The following RIC8B variants were observed in gnomAD, a reference collection of about 807,000 sequenced individuals.
The protein encoded by RIC8B is RIC8 guanine nucleotide exchange factor B.
Under a neutral mutation model 57.5 loss-of-function variants are expected in RIC8B, and 16 were observed. That is an observed-to-expected ratio of 0.28 (90% CI 0.19 to 0.42). The LOEUF is 0.42. Ranked by LOEUF, RIC8B falls within the 10% of genes least tolerant of loss-of-function variation. RIC8B has a pLI of 1.00. For synonymous variants in RIC8B, 216 were observed against 250.8 expected (o/e 0.86, Z 1.31); for missense variants, 481 against 677.0 (o/e 0.71, Z 3.21).
intron 7 of RIC8B, among the ~76,000 whole-genome samples, chr12:106,854,068 A>C (rs1949611348): frequency 1.3e-5 from 2 of 152,042 alleles, no homozygotes; most frequent in African/African-American, 4.8e-5. Context: ...TAGGGAGACG[A>C]AGGGACTATG....
Position 106,886,108 on chromosome 12 carries a change from G to C in RIC8B, c.*93G>C, listed in dbSNP as rs1274078952. The C allele has an allele frequency of 1.1e-6, 1 of 873,164 alleles. No homozygotes were observed. The highest frequency in any genetic ancestry group is 2.4e-5 in the East Asian group (1 of 41,068). The allele number at this position is 873,164 out of a possible 1,614,324, so 54.1% of individuals were successfully genotyped here. ...TTTTCTCTAAAACATTTATGCCCTT[G>C]CTTTGGCTAGAAACACATTAACTGG... On this transcript the variant is annotated 3_prime_UTR_variant, in exon 10 of 10. Coordinates refer to ENST00000392837, the MANE Select transcript of RIC8B (RefSeq NM_001330145.2).
intron 8 of RIC8B, among the ~76,000 whole-genome samples, chr12:106,866,858 T>A (rs805504): frequency 0.71 from 107,302 of 152,066 alleles, 39,443 homozygotes; most frequent in African/African-American, 0.93. Context: ...AAGTTCTGGT[T>A]ACATAGGGCC....
chr12:106,850,187 A>T (rs1183251965), intron 6 of RIC8B, among the ~76,000 whole-genome samples: 4 of 152,064 alleles, frequency 2.6e-5, no homozygotes, highest in African/African-American at 9.7e-5. Context: ...TCATCTTGAA[A>T]CCACCCACCA....
At chr12:106,845,631 A>G (rs1389956662) in intron 6 of RIC8B, among the ~76,000 whole-genome samples, 2 of 152,154 alleles carry the variant, frequency 1.3e-5, no homozygotes. Flanking sequence ...ATCATTTATC[A>G]GCACCCAAAC....
intron 2 of RIC8B, among the ~76,000 whole-genome samples, chr12:106,809,522 CAAAAAAAAAAA>C (rs201411394): frequency 5.6e-4 from 59 of 105,556 alleles, no homozygotes; most frequent in Non-Finnish European, 7.0e-4. Flanking sequence ...ACTCTTGTCT[CAAAAAAAAAAA>C]AAAAAAAAAA....
At chr12:106,858,230 A>T (rs181822493) in intron 7 of RIC8B, among the ~76,000 whole-genome samples, 104 of 152,116 alleles carry the variant, frequency 6.8e-4, no homozygotes, top group African/African-American at 2.3e-3. Context: ...AAGTATATTC[A>T]TTTAAACATT....
At chr12:106,782,691 T>G (rs1015750542) in intron 1 of RIC8B, among the ~76,000 whole-genome samples, 6 of 152,246 alleles carry the variant, frequency 3.9e-5, no homozygotes, top group African/African-American at 1.2e-4. Context: ...CCTCTGAGTC[T>G]TCCCTCTGAT....
At chr12:106,827,038 G>A (rs190044942) in intron 4 of RIC8B, among the ~76,000 whole-genome samples, 39 of 152,278 alleles carry the variant, frequency 2.6e-4, no homozygotes, top group African/African-American at 8.9e-4. Flanking sequence ...TTCCGCCACT[G>A]TACTCCAGCC....
chr12:106,842,251 A>G (rs1348108529), intron 4 of RIC8B, among the ~76,000 whole-genome samples: 1 of 152,210 alleles, frequency 6.6e-6, no homozygotes, highest in Non-Finnish European at 1.5e-5. Context: ...AATCCCAGGG[A>G]AGAAATGCAA....
chr12:106,813,503 T>C (rs1435303753), intron 2 of RIC8B, among the ~76,000 whole-genome samples: 1 of 152,162 alleles, frequency 6.6e-6, no homozygotes, highest in Non-Finnish European at 1.5e-5. Context: ...TATACCATTT[T>C]ATATAAGAGA....
chr12:106,819,790 G>A (rs1332931806), intron 3 of RIC8B, among the ~76,000 whole-genome samples: 2 of 146,778 alleles, frequency 1.4e-5, no homozygotes, highest in African/African-American at 5.0e-5. Context: ...TAATATATAA[G>A]TATATATAAA....
chr12:106,851,357 A>G (rs1032557623), intron 6 of RIC8B, 93 bp from the exon 7 acceptor site: 2 of 520,382 alleles, frequency 3.8e-6, no homozygotes, highest in Non-Finnish European at 6.4e-6. Context: ...TACAAACCCC[A>G]GTAGACATTA....
chr12:106,845,076 C>G (rs746578078), intron 6 of RIC8B, among the ~76,000 whole-genome samples: 52 of 152,290 alleles, frequency 3.4e-4, no homozygotes, highest in Admixed American at 6.5e-4. Flanking sequence ...CTAGATTCCA[C>G]CTGAGGTTCA....
At position 106,879,538 on chromosome 12, in the gene RIC8B, A is replaced by G. The variant is rs556029835; in HGVS notation, c.1572-6366A>G. On this transcript the variant is annotated intron_variant, in intron 9 of 9. Transcript: ENST00000392837. The surrounding 1 kb of genome is among the most constrained non-coding windows in gnomAD (Gnocchi z 4.9). ...GAAAATGTTAAAATATATCTGGAAA[A>G]AAAAAACAGACCAGAATATTTTAAA... is the stretch of plus-strand genomic sequence containing the variant. The G allele has an allele frequency of 2.1e-5, 21 of 985,162 alleles. No homozygotes were observed. Among genetic ancestry groups the G allele is most frequent in the Non-Finnish European group, 2.5e-5 (21 of 829,768 alleles). 61.0% of individuals were successfully genotyped at this position (985,162 alleles called of 1,614,324 possible).
At chr12:106,784,114 G>C in intron 2 of RIC8B, 70 bp downstream of exon 2, 3 of 1,378,218 alleles carry the variant, frequency 2.2e-6, no homozygotes, top group Middle Eastern at 3.6e-4. Context: ...TCTAAGCAGT[G>C]GTCATGTTTT....
rs924372643 is a variant in RIC8B at position 106,868,981 on chromosome 12, C to T, written c.1452-1842C>T. Reference sequence around the variant, plus strand: ...GACAAGGCTATGGGTTTTCAGGTTGCCCCAGAACCTTTGAAAGTACCTTAA... The same window carrying T: ...GACAAGGCTATGGGTTTTCAGGTTGTCCCAGAACCTTTGAAAGTACCTTAA... On this transcript the variant is annotated intron_variant, in intron 8 of 9. Transcript: ENST00000392837. Among the ~76,000 whole-genome samples, 9 of 150,948 alleles carry T rather than the reference C, an allele frequency of 6.0e-5. No individual in the cohort carries two copies. The Admixed American group carries it at 6.0e-4, about 10-fold the overall frequency.
chr12:106,870,731 T>G, intron 8 of RIC8B, 92 bp from the exon 9 acceptor site: 1 of 1,061,576 alleles, frequency 9.4e-7, no homozygotes, highest in Non-Finnish European at 1.3e-6. Flanking sequence ...GCTATTATAC[T>G]CTTTCTTATT....
chr12:106,805,483 T>C (rs2044967566), intron 2 of RIC8B, among the ~76,000 whole-genome samples: 1 of 151,980 alleles, frequency 6.6e-6, no homozygotes, highest in African/African-American at 2.4e-5. Context: ...GGTGACAGAG[T>C]GAGACCCTGT....
intron 1 of RIC8B, among the ~76,000 whole-genome samples, chr12:106,780,077 C>T (rs1566025330): frequency 6.6e-6 from 1 of 152,020 alleles, no homozygotes; most frequent in Non-Finnish European, 1.5e-5. Flanking sequence ...TTATCAACAA[C>T]AAACTGTGAC....
Sources: allele counts gnomAD v4.1 joint callset (sites outside exome capture counted in the v4.1 genomes callset), GRCh38; gene constraint gnomAD v4.1.1; non-coding constraint Gnocchi (gnomAD v3.1); transcripts MANE v1.5; gene names NCBI Gene and HGNC (gene_info 2026-07-23, HGNC 2026-07-21).